Variants in CRACDL observed in about 807,000 individuals in gnomAD.
The protein encoded by CRACDL is CRACD like, also known as CRACD-like protein.
CRACDL carries 26 observed loss-of-function variants against 70.6 expected under a neutral mutation model. That is an observed-to-expected ratio of 0.37 (90% CI 0.27 to 0.51). The LOEUF is 0.51. Among genes scored for constraint, CRACDL ranks in the 20% least tolerant of loss-of-function variants. The pLI, the probability that CRACDL is intolerant of heterozygous loss-of-function variation, is 0.94. For missense variants in CRACDL, 1,283 were observed against 1,376.9 expected (o/e 0.93, Z 1.08); for synonymous variants, 618 against 615.2 (o/e 1.00, Z -0.07).
At chr2:98,871,017 C>T (rs545041519) in intron 1 of CRACDL, among the ~76,000 whole-genome samples, 1 of 152,374 alleles carries the variant, frequency 6.6e-6, no homozygotes, top group South Asian at 2.1e-4. Context: ...CACCTGCAGG[C>T]CTTGACACCT....
intron 1 of CRACDL, among the ~76,000 whole-genome samples, chr2:98,889,184 GGAAGGAAGGAAGAAAA>G (rs1707883676): frequency 7.1e-6 from 1 of 141,368 alleles, no homozygotes; most frequent in African/African-American, 2.6e-5. Flanking sequence ...AAGGAAAGAA[GGAAGGAAGGAAGAAAA>G]GAAGGAAGGA....
rs866521579 is a variant in CRACDL at position 98,823,368 on chromosome 2, G to A, written c.905C>T (p.Pro302Leu). Residue 302 changes from proline to leucine, a missense_variant, in exon 7 of 10, where the codon CCC becomes CTC. Physicochemically the swap from Pro to Leu is moderately conservative, Grantham distance 98. Coordinates refer to ENST00000397899, the MANE Select transcript of CRACDL (RefSeq NM_207362.3). The surrounding 1 kb of genome is among the most constrained non-coding windows in gnomAD (Gnocchi z 4.0). ...EPGPPAPLPP[P>L]GGARARRARL... ...GGCGCGTCTGGCACGGGCCCCTCCGGGTGGCGGCAAGGGCGCCGGTGGCCC... is the reference window on the plus strand; with the variant it reads ...GGCGCGTCTGGCACGGGCCCCTCCGAGTGGCGGCAAGGGCGCCGGTGGCCC... 2.0e-6 allele frequency: 3 copies of A among 1,531,100 alleles called. No individual in the cohort carries two copies. The highest frequency in any genetic ancestry group is 2.1e-4 in the Middle Eastern group (1 of 4,856). The allele number at this position is 1,531,100 out of a possible 1,614,324, so 94.8% of individuals were successfully genotyped here. A position where few individuals can be genotyped will look rare whatever the true frequency, so the allele number is the denominator to read the frequency against.
At chr2:98,811,701 C>T (rs1266657917) in intron 7 of CRACDL, among the ~76,000 whole-genome samples, 2 of 152,090 alleles carry the variant, frequency 1.3e-5, no homozygotes, top group Non-Finnish European at 2.9e-5. Flanking sequence ...CCAGACTCTC[C>T]TCCTACTCCC....
chr2:98,855,363 T>C (rs1215176930), intron 1 of CRACDL, among the ~76,000 whole-genome samples: 1 of 152,102 alleles, frequency 6.6e-6, no homozygotes, highest in Non-Finnish European at 1.5e-5. Context: ...CAAAAAATGT[T>C]ACAAACATAT....
rs557144522 is a variant in CRACDL, at chr2:98,930,537, T to TC, written c.-11+5400dup. The stretch of plus-strand genomic sequence containing the variant: ...CCCCATCCCCACCCTCTGTCCTGTG[T>TC]CCCCTACTGCATCTCTGACCCCACC... On this transcript the variant is annotated intron_variant, in intron 1 of 9. Coordinates refer to ENST00000397899, the MANE Select transcript of CRACDL (RefSeq NM_207362.3). Among the ~76,000 whole-genome samples the TC allele has an allele frequency of 2.5e-3, 361 of 147,252 alleles. 2 individuals carry two copies. The highest frequency in any genetic ancestry group is 4.2e-3 in the Non-Finnish European group (282 of 66,608).
At chr2:98,868,797 C>T (rs1402570349) in intron 1 of CRACDL, among the ~76,000 whole-genome samples, 1 of 152,194 alleles carries the variant, frequency 6.6e-6, no homozygotes, top group African/African-American at 2.4e-5. Flanking sequence ...TCACCCAGCC[C>T]TCCTCCCCTT....
intron 7 of CRACDL, among the ~76,000 whole-genome samples, chr2:98,814,544 T>C (rs1227763194): frequency 6.6e-6 from 1 of 152,214 alleles, no homozygotes; most frequent in Non-Finnish European, 1.5e-5. Flanking sequence ...TAATTTCAAT[T>C]CTTTCGAATT....
chr2:98,875,138 T>C (rs1485791004), intron 1 of CRACDL, among the ~76,000 whole-genome samples: 1 of 152,232 alleles, frequency 6.6e-6, no homozygotes. Context: ...GCCGTCACTC[T>C]GTACAACCGC....
At chr2:98,864,907 C>T (rs1258557292) in intron 1 of CRACDL, among the ~76,000 whole-genome samples, 2 of 152,000 alleles carry the variant, frequency 1.3e-5, no homozygotes, top group South Asian at 2.1e-4. Flanking sequence ...ATCAAAGCTG[C>T]GGAAAAAGGA....
chr2:98,915,236 T>TG (rs1265029967), intron 1 of CRACDL, among the ~76,000 whole-genome samples: 3 of 152,160 alleles, frequency 2.0e-5, no homozygotes, highest in Non-Finnish European at 4.4e-5. Flanking sequence ...CACAGAGTGC[T>TG]GGAGAGGTGC....
At chr2:98,919,866 C>T (rs1460443971) in intron 1 of CRACDL, among the ~76,000 whole-genome samples, 37 of 152,186 alleles carry the variant, frequency 2.4e-4, no homozygotes, top group Admixed American at 2.4e-3. Flanking sequence ...AATCTTCCCA[C>T]ATCAGCCTTC....
At chr2:98,921,804 C>T (rs935181214) in intron 1 of CRACDL, among the ~76,000 whole-genome samples, 4 of 152,160 alleles carry the variant, frequency 2.6e-5, no homozygotes, top group African/African-American at 7.2e-5. Flanking sequence ...TGCACAGCTA[C>T]GCCAAGCCAC....
intron 1 of CRACDL, among the ~76,000 whole-genome samples, chr2:98,931,324 CAAAAA>C (rs530900049): frequency 2.1e-5 from 2 of 96,256 alleles, no homozygotes; most frequent in African/African-American, 3.7e-5. Context: ...GACTCCATCT[CAAAAA>C]AAAAAAAAAA....
rs955537794 is a variant in CRACDL, at chr2:98,823,127, G to A, written c.1146C>T (p.Ala382=). ...CCTCCTCCGCCTTGTCCGTGGCCGG[G>A]GCACACGGGCCTGCGGGGGGCGCCT... ...DGEAPPAGPC[A]PATDKAEEVV... is the part of the protein sequence containing the mutation. The change falls in exon 7 of 10, where the codon GCC becomes GCT. Residue 382 remains alanine (A), a synonymous_variant. Coordinates refer to ENST00000397899, the MANE Select transcript of CRACDL (RefSeq NM_207362.3). The surrounding 1 kb of genome is among the most constrained non-coding windows in gnomAD (Gnocchi z 4.0). The A allele has an allele frequency of 1.3e-6, 2 of 1,570,686 alleles. No individual in the cohort carries two copies. Among genetic ancestry groups the A allele is most frequent in the East Asian group, 2.5e-5 (1 of 39,576 alleles).
intron 1 of CRACDL, among the ~76,000 whole-genome samples, chr2:98,884,351 T>A (rs1707743874): frequency 6.6e-6 from 1 of 152,188 alleles, no homozygotes; most frequent in African/African-American, 2.4e-5. Context: ...CAAGTACCTA[T>A]CACACTCTCT....
At chr2:98,889,379 C>T (rs577693231) in intron 1 of CRACDL, among the ~76,000 whole-genome samples, 11 of 151,744 alleles carry the variant, frequency 7.2e-5, no homozygotes, top group Admixed American at 6.6e-4. Flanking sequence ...AGTGGCTATA[C>T]TAATAACAGA....
chr2:98,812,135 TCA>T (rs562247632), intron 7 of CRACDL, among the ~76,000 whole-genome samples: 137 of 152,256 alleles, frequency 9.0e-4, no homozygotes, highest in African/African-American at 3.2e-3. Flanking sequence ...ACCACCGCAC[TCA>T]GTTAATTTTT....
chr2:98,855,704 C>T (rs554517408), intron 1 of CRACDL, among the ~76,000 whole-genome samples: 2 of 152,096 alleles, frequency 1.3e-5, no homozygotes, highest in Admixed American at 1.3e-4. Flanking sequence ...TATAGATATG[C>T]TCAAAGAAAT....
intron 7 of CRACDL, among the ~76,000 whole-genome samples, chr2:98,802,979 G>A (rs1704140069): frequency 6.6e-6 from 1 of 151,454 alleles, no homozygotes; most frequent in Non-Finnish European, 1.5e-5. Flanking sequence ...GGAATTATGG[G>A]TGTGAGCCAC....
Sources: gnomAD v4.1 joint callset for allele counts (sites outside exome capture counted in the v4.1 genomes callset) on GRCh38, gnomAD v4.1.1 for gene constraint, Gnocchi (gnomAD v3.1) non-coding constraint, MANE v1.5 for transcripts, NCBI Gene and HGNC (gene_info 2026-07-23, HGNC 2026-07-21) for gene names.